The following DACH2 variants were observed in gnomAD, a reference collection of about 807,000 sequenced individuals.
The protein encoded by DACH2 is dachshund homolog 2.
A neutral mutation model predicts 35.8 loss-of-function variants in DACH2; 17 were observed. The ratio of observed to expected loss-of-function variants is 0.48; its 90% CI spans 0.33 to 0.71. DACH2 has a LOEUF of 0.71. DACH2 is among the 30% of genes least tolerant of loss of function. DACH2 has a pLI of 0.02. For synonymous variants in DACH2, 195 were observed against 177.3 expected, an observed-to-expected ratio of 1.10 and a Z score of -0.79; for missense variants, 469 against 472.7, an observed-to-expected ratio of 0.99 and a Z score of 0.07.
At chrX:86,568,310 A>G (rs148703061) in intron 3 of DACH2, among the ~76,000 whole-genome samples, 2,980 of 111,322 alleles carry the variant, frequency 0.027, 47 homozygotes, top group Non-Finnish European at 0.044. Flanking sequence ...AGATGTGTCA[A>G]TATAGGTTCA....
At chrX:86,414,589 A>T (rs2036670002) in intron 2 of DACH2, among the ~76,000 whole-genome samples, 1 of 111,237 alleles carries the variant, frequency 9.0e-6, no homozygotes, top group African/African-American at 3.3e-5. Context: ...GGCATTGGTC[A>T]AGGGTATATC....
rs904046694 is a variant in DACH2, at chrX:86,795,455, G to A, written c.1241-17401G>A. On this transcript the variant is annotated intron_variant, in intron 7 of 11. Transcript: ENST00000373125. ...TCACCATGTTAGCCAGGATGGTGTCGATCTCCTGACCTCATGATCCACCTG... is the reference window on the plus strand; with the variant it reads ...TCACCATGTTAGCCAGGATGGTGTCAATCTCCTGACCTCATGATCCACCTG... Among the ~76,000 whole-genome samples, 3 of 110,292 alleles carry A rather than the reference G, an allele frequency of 2.7e-5. No homozygotes were observed. In the East Asian group the frequency reaches 8.6e-4, roughly 32 times the overall value.
chrX:86,440,970 A>G (rs1192326652), intron 2 of DACH2, among the ~76,000 whole-genome samples: 1 of 110,413 alleles, frequency 9.1e-6, no homozygotes. Flanking sequence ...CTGTTGACCA[A>G]CCTCTCCCTC....
At chrX:86,514,561 G>A (rs751035103) in intron 3 of DACH2, among the ~76,000 whole-genome samples, 170 bp downstream of exon 3, 161 of 112,119 alleles carry the variant, frequency 1.4e-3, no homozygotes, top group Non-Finnish European at 2.4e-3. Flanking sequence ...TTACTTGAGC[G>A]ACAAATCAAA....
At chrX:86,674,231 T>C (rs2040802204) in intron 4 of DACH2, among the ~76,000 whole-genome samples, 1 of 112,440 alleles carries the variant, frequency 8.9e-6, no homozygotes, top group South Asian at 3.6e-4. Context: ...CATTGTTCAT[T>C]ACTCTTTTCT....
intron 2 of DACH2, among the ~76,000 whole-genome samples, chrX:86,496,017 A>G (rs185456979): frequency 2.7e-3 from 305 of 111,401 alleles, no homozygotes; most frequent in Non-Finnish European, 4.8e-3. Context: ...GTGATTATGT[A>G]TAAAGGCTCA....
At chrX:86,338,902 G>T (rs182964516) in intron 1 of DACH2, among the ~76,000 whole-genome samples, 38 of 112,177 alleles carry the variant, frequency 3.4e-4, no homozygotes, top group African/African-American at 1.2e-3. Context: ...TGATCCCACA[G>T]AAATACAAAC....
At chrX:86,806,529 G>C (rs755031916) in intron 7 of DACH2, among the ~76,000 whole-genome samples, 178 of 112,069 alleles carry the variant, frequency 1.6e-3, no homozygotes, top group African/African-American at 5.5e-3. Flanking sequence ...AATTAAATAT[G>C]TTGGGGATGG....
chrX:86,604,516 TTGAG>T (rs2039832618), intron 3 of DACH2, among the ~76,000 whole-genome samples: 1 of 112,036 alleles, frequency 8.9e-6, no homozygotes, highest in African/African-American at 3.2e-5. Flanking sequence ...ATAGATTATT[TTGAG>T]TGTTTGCATA....
chrX:86,764,100 A>G (rs1160394165), intron 7 of DACH2, among the ~76,000 whole-genome samples: 1 of 112,110 alleles, frequency 8.9e-6, no homozygotes, highest in Non-Finnish European at 1.9e-5. Context: ...AATCTAAATG[A>G]TCATTCTAAT....
chrX:86,268,489 CATTTATTTTA>C (rs2033751462), intron 1 of DACH2, among the ~76,000 whole-genome samples: 1 of 87,135 alleles, frequency 1.1e-5, no homozygotes, highest in African/African-American at 3.9e-5. Flanking sequence ...TCATTTAAAA[CATTTATTTTA>C]TTTTATTTTA....
Position 86,831,008 on chromosome X carries a change from G to A in DACH2, c.1751-1098G>A, listed in dbSNP as rs1464024347. On this transcript the variant is annotated intron_variant, in intron 11 of 11. Coordinates refer to ENST00000373125, the MANE Select transcript of DACH2 (RefSeq NM_053281.3). ...GGGCTTCTTGGGAAAATGTCTGGTT[G>A]CCCTCTGATGAAGTCCAACCCTCCA... 7 of 111,025 alleles carry A rather than the reference G, an allele frequency of 6.3e-5. No homozygotes were observed. In the East Asian group the frequency reaches 2.0e-3, roughly 32 times the overall value. The allele number at this position is 111,025 out of a possible 1,213,427, so 9.1% of individuals were successfully genotyped here.
chrX:86,763,654 G>C (rs977334801), intron 7 of DACH2, among the ~76,000 whole-genome samples: 17 of 110,770 alleles, frequency 1.5e-4, no homozygotes, highest in African/African-American at 5.6e-4. Context: ...GGGTTTCACC[G>C]TGTTAGCCAG....
chrX:86,286,807 T>C (rs746469301), intron 1 of DACH2, among the ~76,000 whole-genome samples: 5 of 112,394 alleles, frequency 4.4e-5, no homozygotes, highest in Admixed American at 1.9e-4. Context: ...TAGTTGTTTC[T>C]ATTTAAATCT....
intron 11 of DACH2, chrX:86,830,637 G>A (rs1338442948): frequency 9.0e-6 from 1 of 111,453 alleles, no homozygotes; most frequent in Non-Finnish European, 1.9e-5. Context: ...ATTGTCTTTC[G>A]CTATTCATTG....
chrX:86,719,164 G>C (rs1366614142), intron 6 of DACH2, among the ~76,000 whole-genome samples: 2 of 111,713 alleles, frequency 1.8e-5, no homozygotes, highest in Admixed American at 1.9e-4. Context: ...GTGTTTTGTA[G>C]TTTTCCTTGT....
chrX:86,197,399 C>T (rs1245767177), intron 1 of DACH2, among the ~76,000 whole-genome samples: 2 of 111,403 alleles, frequency 1.8e-5, no homozygotes, highest in African/African-American at 3.3e-5. Context: ...GGATCAAATC[C>T]ACACATATGA....
rs754142543 is a variant in DACH2, at chrX:86,741,946, T to C, written c.1240+2064T>C. Among the ~76,000 whole-genome samples, 5 of 110,960 alleles carry C rather than the reference T, an allele frequency of 4.5e-5. No homozygotes were observed. The East Asian group carries it at 1.4e-3, about 31-fold the overall frequency. ...TATTTGTACTTCACCACAGGGTAAA[T>C]TTTTCTATCTACTAAAGGTGCCCAT... On this transcript the variant is annotated intron_variant, in intron 7 of 11. Coordinates refer to ENST00000373125, the MANE Select transcript of DACH2 (RefSeq NM_053281.3).
chrX:86,551,523 A>G (rs1458022692), intron 3 of DACH2, among the ~76,000 whole-genome samples: 1 of 112,145 alleles, frequency 8.9e-6, no homozygotes, highest in African/African-American at 3.2e-5. Flanking sequence ...CTTGAGGATT[A>G]CTAGCATTGC....
Sources: gnomAD v4.1 joint callset for allele counts (sites outside exome capture counted in the v4.1 genomes callset) on GRCh38, gnomAD v4.1.1 for gene constraint, MANE v1.5 for transcripts, NCBI Gene and HGNC (gene_info 2026-07-23, HGNC 2026-07-21) for gene names.